RIMS3: variants seen among roughly 807,000 people sequenced by gnomAD.
The protein encoded by RIMS3 is regulating synaptic membrane exocytosis protein 3.
In RIMS3, 15 loss-of-function variants were observed where a neutral mutation model predicts 29.2. That is an observed-to-expected ratio of 0.51 (90% CI 0.34 to 0.79). The LOEUF is 0.79. Among genes scored for constraint, RIMS3 ranks in the 30% least tolerant of loss-of-function variants. RIMS3 has a pLI of 0.01. For synonymous variants in RIMS3, 161 were observed against 170.1 expected (o/e 0.95, Z 0.41); for missense variants, 342 against 421.4 (o/e 0.81, Z 1.65).
At chr1:40,651,808 A>G (rs1646633499) in intron 1 of RIMS3, among the ~76,000 whole-genome samples, 1 of 152,246 alleles carries the variant, frequency 6.6e-6, no homozygotes, top group Admixed American at 6.5e-5. Context: ...TTCTAAAGTT[A>G]CTACTTAAGA....
rs533779659 is a variant in RIMS3, at chr1:40,638,377, C to A, written c.218-2320G>T. On this transcript the variant is annotated intron_variant, in intron 3 of 7. Coordinates refer to ENST00000372684, the MANE Select transcript of RIMS3 (RefSeq NM_014747.3). ...CATGTCCATACGATCCCTCCACTGG[C>A]TTCATACATGAATAGTCTCAACCCC... is the stretch of plus-strand genomic sequence containing the variant. 3.3e-5 allele frequency among the ~76,000 whole-genome samples: 5 copies of A among 152,326 alleles called. No individual in the cohort carries two copies. The South Asian group carries it at 1.0e-3, about 32-fold the overall frequency.
chr1:40,680,626 C>T, the RIMS3 span, among the ~76,000 whole-genome samples: 1 of 151,942 alleles, frequency 6.6e-6, no homozygotes, highest in African/African-American at 2.4e-5. Context: ...GCCACCATGC[C>T]CAGCAGATAA....
At chr1:40,691,780 T>G in the RIMS3 span, 2 of 452,940 alleles carry the variant, frequency 4.4e-6, no homozygotes, top group Non-Finnish European at 8.9e-6. Context: ...CACTTCCCCC[T>G]CCCCTCCGCC....
At chr1:40,643,832 C>T (rs752571946) in intron 2 of RIMS3, among the ~76,000 whole-genome samples, 23 of 152,098 alleles carry the variant, frequency 1.5e-4, no homozygotes, top group Admixed American at 2.0e-4. Context: ...ACTGATTCCT[C>T]GAAATGGAAC....
chr1:40,641,443 A>T (rs1646556909), intron 3 of RIMS3, among the ~76,000 whole-genome samples: 1 of 152,208 alleles, frequency 6.6e-6, no homozygotes, highest in African/African-American at 2.4e-5. Context: ...CTAGAGTTTG[A>T]ATCCAGGCTC....
chr1:40,653,242 A>G (rs528752461), intron 1 of RIMS3, among the ~76,000 whole-genome samples: 1 of 152,240 alleles, frequency 6.6e-6, no homozygotes, highest in Non-Finnish European at 1.5e-5. Context: ...AGGAAGGAGA[A>G]TGCCCAGAAG....
rs1436966681 is a variant in RIMS3, at chr1:40,641,756, A to C, written c.170T>G (p.Val57Gly). 1 of 1,613,892 alleles carries C rather than the reference A, an allele frequency of 6.2e-7. No individual in the cohort carries two copies. The highest frequency in any genetic ancestry group is 8.5e-7 in the Non-Finnish European group (1 of 1,179,806). ...SSLGAKMVAI[V>G]GLTQWSKSTL... ...GCTCTTGCTCCACTGAGTCAGGCCC[A>C]CGATGGCCACCATCTTGGCACCCAG... The change falls in exon 3 of 8, where the codon GTG (valine) becomes GGG (glycine). Residue 57 changes from valine to glycine, a missense_variant. Val to Gly is a moderately radical substitution (Grantham distance 109). Coordinates refer to ENST00000372684, the MANE Select transcript of RIMS3 (RefSeq NM_014747.3).
the RIMS3 span, among the ~76,000 whole-genome samples, chr1:40,678,968 A>G: frequency 2.6e-4 from 40 of 152,374 alleles, no homozygotes; most frequent in Admixed American, 6.5e-4. Flanking sequence ...TGGGTAGACT[A>G]GAGATTAATA....
At chr1:40,675,758 C>CA in the RIMS3 span, among the ~76,000 whole-genome samples, 81,021 of 107,206 alleles carry the variant, frequency 0.76, 30,145 homozygotes, top group African/African-American at 0.78. Flanking sequence ...AACTCCATCT[C>CA]AAAAAAAAAA....
intron 1 of RIMS3, among the ~76,000 whole-genome samples, chr1:40,658,767 A>T (rs1642307719): frequency 6.6e-6 from 1 of 152,252 alleles, no homozygotes; most frequent in Non-Finnish European, 1.5e-5. Flanking sequence ...GGCTGCTTCA[A>T]GTTCCCTTGG....
At chr1:40,653,982 G>A (rs1642232887) in intron 1 of RIMS3, among the ~76,000 whole-genome samples, 1 of 152,128 alleles carries the variant, frequency 6.6e-6, no homozygotes, top group Non-Finnish European at 1.5e-5. Context: ...GAAGGGAAAG[G>A]CAGGCTCATC....
At position 40,636,904 on chromosome 1, in the gene RIMS3, T is replaced by C. The variant is rs537428146; in HGVS notation, c.218-847A>G. On this transcript the variant is annotated intron_variant, in intron 3 of 7. Transcript: ENST00000372684. The surrounding 1 kb of genome is among the most constrained non-coding windows in gnomAD (Gnocchi z 4.2). ...GGTTTCCATGGCAACCTCCTCGGCA[T>C]TGCAGTGTGGTCCCTCTAGACACCC... is the stretch of plus-strand genomic sequence containing the variant. 6.6e-6 allele frequency among the ~76,000 whole-genome samples: 1 copy of C among 152,302 alleles called. No homozygotes were observed. The highest frequency in any genetic ancestry group is 6.5e-5 in the Admixed American group (1 of 15,296).
chr1:40,630,710 C>T (rs1052148485), intron 5 of RIMS3, among the ~76,000 whole-genome samples: 3 of 152,190 alleles, frequency 2.0e-5, no homozygotes, highest in African/African-American at 7.2e-5. Context: ...CCAGGGGGTA[C>T]CACACACGAA....
intron 1 of RIMS3, among the ~76,000 whole-genome samples, chr1:40,658,043 T>A (rs1642295455): frequency 1.3e-5 from 2 of 152,106 alleles, no homozygotes; most frequent in East Asian, 1.9e-4. Flanking sequence ...TTAAAAAAAA[T>A]GTTTATTACC....
At chr1:40,678,181 GT>G in the RIMS3 span, among the ~76,000 whole-genome samples, 1 of 152,230 alleles carries the variant, frequency 6.6e-6, no homozygotes, top group Non-Finnish European at 1.5e-5. Context: ...GCCAAGGCGG[GT>G]GGATCACTTG....
intron 2 of RIMS3, among the ~76,000 whole-genome samples, chr1:40,646,743 T>C (rs1426765052): frequency 6.6e-6 from 1 of 152,162 alleles, no homozygotes; most frequent in Non-Finnish European, 1.5e-5. Context: ...CCTTGGATGT[T>C]TGGCCTCTAC....
At chr1:40,642,906 A>G (rs929473813) in intron 2 of RIMS3, among the ~76,000 whole-genome samples, 3 of 150,780 alleles carry the variant, frequency 2.0e-5, no homozygotes, top group African/African-American at 7.3e-5. Context: ...CAGTGAGCCG[A>G]GATCGCACCA....
At chr1:40,687,062 T>G in the RIMS3 span, among the ~76,000 whole-genome samples, 1 of 151,942 alleles carries the variant, frequency 6.6e-6, no homozygotes, top group Non-Finnish European at 1.5e-5. Context: ...ATTTCACTTC[T>G]GGGTATATAC....
intron 1 of RIMS3, among the ~76,000 whole-genome samples, chr1:40,662,178 G>T (rs1049920255): frequency 6.6e-6 from 1 of 152,152 alleles, no homozygotes; most frequent in African/African-American, 2.4e-5. Context: ...TTAGTATCCT[G>T]CTAGACTAGG....
Sources: gnomAD v4.1 joint callset for allele counts (sites outside exome capture counted in the v4.1 genomes callset) on GRCh38, gnomAD v4.1.1 for gene constraint, Gnocchi (gnomAD v3.1) non-coding constraint, MANE v1.5 for transcripts, NCBI Gene and HGNC (gene_info 2026-07-23, HGNC 2026-07-21) for gene names.